IL1RN: variants seen among roughly 807,000 people sequenced by gnomAD.
The protein encoded by IL1RN is interleukin 1 receptor antagonist.
Under a neutral mutation model 13.7 loss-of-function variants are expected in IL1RN, and 10 were observed. The observed-to-expected ratio is 0.73, with a 90% CI of 0.45 to 1.24. IL1RN has a LOEUF of 1.24. IL1RN is among the 50% of genes most tolerant of loss of function. IL1RN has a pLI of 0.00. For synonymous variants in IL1RN, 102 were observed against 82.7 expected (o/e 1.23, Z -1.27); for missense variants, 213 against 222.1 (o/e 0.96, Z 0.26).
At chr2:113,107,070 T>C (rs182089221), upstream of IL1RN, 3 of 152,336 alleles carry the variant, frequency 2.0e-5, no homozygotes, top group East Asian at 5.8e-4. Flanking sequence ...ATGGCAGATA[T>C]GTTAAGACAC....
In IL1RN at chr2:113,132,802, C is replaced by T. The variant is rs2232355; in HGVS notation, c.465C>T (p.Pro155=). 1,258 of 1,614,240 alleles carry T rather than the reference C, an allele frequency of 7.8e-4. 11 individuals are homozygous for T. The African/African-American group carries it at 0.015, about 19-fold the overall frequency. ...FLCTAMEADQ[P]VSLTNMPDEG... ...GCACAGCGATGGAAGCTGACCAGCC[C>T]GTCAGCCTCACCAATATGCCTGACG... is the stretch of plus-strand genomic sequence containing the variant. The change falls in exon 4 of 4, where the codon CCC becomes CCT. Residue 155 remains proline, a synonymous_variant. Transcript: ENST00000409930.
At chr2:113,124,901 G>A (rs1311447666), upstream of IL1RN, among the ~76,000 whole-genome samples, 1 of 152,134 alleles carries the variant, frequency 6.6e-6, no homozygotes, top group Non-Finnish European at 1.5e-5. Flanking sequence ...CACAGAGCAG[G>A]GAGGTTCCAG....
upstream of IL1RN, among the ~76,000 whole-genome samples, chr2:113,104,835 A>G (rs945410911): frequency 1.3e-5 from 2 of 152,218 alleles, no homozygotes; most frequent in Non-Finnish European, 2.9e-5. Context: ...GGGCAAGGTC[A>G]TGTAGCTAGT....
At chr2:113,117,918 G>A (rs557058982) in exon 1 of IL1RN, 3 of 801,702 alleles carry the variant, frequency 3.7e-6, no homozygotes, top group South Asian at 1.3e-5. Context: ...GGGAGGGACT[G>A]TGGCCCAGGT....
upstream of IL1RN, among the ~76,000 whole-genome samples, chr2:113,102,795 T>G (rs1369681041): frequency 6.6e-6 from 1 of 152,076 alleles, no homozygotes; most frequent in Non-Finnish European, 1.5e-5. Context: ...ATCGCTCAGT[T>G]AAGGTGGGGC....
At chr2:113,132,168 G>T (rs557479794) in intron 3 of IL1RN, among the ~76,000 whole-genome samples, 1 of 152,360 alleles carries the variant, frequency 6.6e-6, no homozygotes, top group South Asian at 2.1e-4. Context: ...CCTGGGCCAG[G>T]CCAGGCGCAG....
chr2:113,119,139 G>A (rs2104435581), intron 1 of IL1RN, among the ~76,000 whole-genome samples: 1 of 152,314 alleles, frequency 6.6e-6, no homozygotes, highest in East Asian at 1.9e-4. Flanking sequence ...TCCTTTCTGG[G>A]TGTTAAGAGG....
At chr2:113,111,868 G>A (rs149866716) in intron 1 of IL1RN, among the ~76,000 whole-genome samples, 147 of 152,374 alleles carry the variant, frequency 9.6e-4, no homozygotes, top group African/African-American at 3.5e-3. Flanking sequence ...GTCTGGGTTA[G>A]ATGTGCACCC....
At chr2:113,113,274 A>G (rs10188601), upstream of IL1RN, among the ~76,000 whole-genome samples, 3,724 of 152,318 alleles carry the variant, frequency 0.024, 146 homozygotes, top group African/African-American at 0.086. Flanking sequence ...TTGTGACAAC[A>G]TGGATGGACC....
chr2:113,129,706 TCA>T (rs758140604), intron 2 of IL1RN, 42 bp downstream of exon 2: 1 of 1,282,868 alleles, frequency 7.8e-7, no homozygotes, highest in East Asian at 2.3e-5. Context: ...GGGCATCACG[TCA>T]CTTTGCCCGT....
chr2:113,123,591 A>T (rs755663383), upstream of IL1RN, among the ~76,000 whole-genome samples: 1 of 152,200 alleles, frequency 6.6e-6, no homozygotes, highest in Non-Finnish European at 1.5e-5. Flanking sequence ...AAAGTGAACC[A>T]TCTCAGGGTA....
At chr2:113,115,892 T>G (rs573845992), upstream of IL1RN, among the ~76,000 whole-genome samples, 2 of 152,304 alleles carry the variant, frequency 1.3e-5, no homozygotes, top group South Asian at 4.1e-4. Context: ...CTGATTGACT[T>G]GTAGTCCCCT....
At chr2:113,131,010 C>A in intron 2 of IL1RN, 35 bp from the exon 3 acceptor site, 1 of 1,321,188 alleles carries the variant, frequency 7.6e-7, no homozygotes, top group Non-Finnish European at 1.1e-6. Flanking sequence ...GCTTCCTCTT[C>A]TATTAACCTG....
intron 1 of IL1RN, among the ~76,000 whole-genome samples, chr2:113,118,686 A>G (rs530763290): frequency 6.6e-6 from 1 of 152,346 alleles, no homozygotes; most frequent in African/African-American, 2.4e-5. Context: ...TGGGGCAAAG[A>G]AAAAAACTCT....
upstream of IL1RN, among the ~76,000 whole-genome samples, chr2:113,123,437 G>A (rs1686847911): frequency 6.6e-6 from 1 of 152,118 alleles, no homozygotes; most frequent in Non-Finnish European, 1.5e-5. Flanking sequence ...CTACAGGGAG[G>A]GTCCCTGATA....
upstream of IL1RN, among the ~76,000 whole-genome samples, chr2:113,102,350 T>A (rs1686327314): frequency 1.3e-5 from 2 of 152,236 alleles, no homozygotes; most frequent in African/African-American, 4.8e-5. Flanking sequence ...CACCCTTATT[T>A]AACCTCAATT....
At chr2:113,101,279 C>T in the IL1RN span, among the ~76,000 whole-genome samples, 1 of 152,162 alleles carries the variant, frequency 6.6e-6, no homozygotes, top group East Asian at 1.9e-4. Context: ...GTTAGGGTAG[C>T]GAGGGGGTTT....
chr2:113,129,647 C>G lies in IL1RN; in HGVS notation c.188C>G (p.Pro63Arg). The G allele has an allele frequency of 6.2e-7, 1 of 1,610,282 alleles. No homozygotes were observed. Among genetic ancestry groups the G allele is most frequent in the Non-Finnish European group, 8.5e-7 (1 of 1,176,428 alleles). ...CTAGTTGCTGGATACTTGCAAGGAC[C>G]AAATGTCAATTTAGAAGGTGAGTGG... ...NQLVAGYLQG[P>R]NVNLEEKIDV... is the part of the protein sequence containing the mutation. The change falls in exon 2 of 4, where the codon CCA becomes CGA. Residue 63 changes from proline (P) to arginine (R), a missense_variant. Physicochemically the swap from Pro to Arg is moderately radical, Grantham distance 103. Coordinates refer to ENST00000409930, the MANE Select transcript of IL1RN (RefSeq NM_173842.3).
chr2:113,109,195 C>T (rs867717182), upstream of IL1RN, among the ~76,000 whole-genome samples: 1 of 152,100 alleles, frequency 6.6e-6, no homozygotes, highest in Middle Eastern at 3.4e-3. Context: ...GGTGGATCAC[C>T]TGAGGTCAGG....
Sources: allele counts gnomAD v4.1 joint callset (sites outside exome capture counted in the v4.1 genomes callset), GRCh38; gene constraint gnomAD v4.1.1; transcripts MANE v1.5; gene names NCBI Gene and HGNC (gene_info 2026-07-23, HGNC 2026-07-21).